Variants in SACS observed in about 807,000 individuals in gnomAD.
SACS encodes the protein sacsin.
In SACS, 197 loss-of-function variants were observed where a neutral mutation model predicts 348.0. The ratio of observed to expected loss-of-function variants is 0.57; its 90% CI spans 0.50 to 0.64. SACS has a LOEUF of 0.64. Among genes scored for constraint, SACS ranks in the 30% least tolerant of loss-of-function variants. The probability of loss-of-function intolerance (pLI) is 0.00; values close to 1 mark genes in which losing one functional copy is unlikely to be tolerated. For missense variants in SACS, 4,999 were observed against 5,360.8 expected (o/e 0.93, Z 2.11); for synonymous variants, 1,985 against 1,910.6 (o/e 1.04, Z -1.02).
Position 23,335,442 on chromosome 13 carries a change from CAG to C in SACS, c.8432_8433del (p.Ser2811Ter). The C allele has an allele frequency of 6.2e-7, 1 of 1,613,860 alleles. No homozygotes were observed. ...QITYTMDTED[S>X]EGNLTTWLIC... ...ATTAGCCACGTAGTAAGATTTCCTT[CAG>C]AGTCCTCAGTATCCATAGTATAGGT... On this transcript the variant is annotated frameshift_variant, in exon 10 of 10. Coordinates refer to ENST00000382292, the MANE Select transcript of SACS (RefSeq NM_014363.6). LOFTEE classifies it high-confidence loss of function. This position sits in a 1 kb window ranked among gnomAD's most constrained non-coding sequence, Gnocchi z 4.7.
chr13:23,398,584 CA>C (rs1173923399), intron 2 of SACS, among the ~76,000 whole-genome samples: 2 of 148,186 alleles, frequency 1.3e-5, no homozygotes, highest in African/African-American at 5.0e-5. Context: ...AAAGGTGGAA[CA>C]ACTCAAAGCA....
intron 2 of SACS, among the ~76,000 whole-genome samples, chr13:23,410,323 T>C (rs756652005): frequency 1.3e-5 from 2 of 152,188 alleles, no homozygotes; most frequent in Non-Finnish European, 2.9e-5. Context: ...CTCTTGTCCA[T>C]TCACACACTT....
chr13:23,346,486 A>G (rs1869616434), intron 9 of SACS, among the ~76,000 whole-genome samples: 1 of 152,148 alleles, frequency 6.6e-6, no homozygotes, highest in Non-Finnish European at 1.5e-5. Context: ...GCGTCGTATA[A>G]TAGAGGTGCA....
chr13:23,421,339 G>A (rs1566112612), intron 1 of SACS, among the ~76,000 whole-genome samples: 1 of 151,996 alleles, frequency 6.6e-6, no homozygotes, highest in Non-Finnish European at 1.5e-5. Flanking sequence ...TTCACCAGGG[G>A]TTTAGGCATT....
chr13:23,384,476 AG>A (rs1872190707), intron 2 of SACS, among the ~76,000 whole-genome samples: 1 of 152,248 alleles, frequency 6.6e-6, no homozygotes, highest in Admixed American at 6.5e-5. Context: ...GGGGAAGAAA[AG>A]GAAGTCCTTC....
intron 2 of SACS, among the ~76,000 whole-genome samples, chr13:23,397,682 T>C (rs773459587): frequency 9.2e-5 from 14 of 152,242 alleles, no homozygotes; most frequent in Admixed American, 2.6e-4. Flanking sequence ...TTTTTACAAT[T>C]ATGTTACCAC....
intron 1 of SACS, among the ~76,000 whole-genome samples, chr13:23,429,426 GAT>G: frequency 7.0e-6 from 1 of 142,876 alleles, no homozygotes; most frequent in Non-Finnish European, 1.5e-5. Flanking sequence ...GCAGTGGTGC[GAT>G]ATCGGCTCAC....
At chr13:23,379,922 C>T (rs1284449990) in intron 2 of SACS, among the ~76,000 whole-genome samples, 1 of 152,092 alleles carries the variant, frequency 6.6e-6, no homozygotes, top group African/African-American at 2.4e-5. Context: ...CCTGCTTGGT[C>T]TTATACCTGG....
At position 23,334,140 on chromosome 13, in the gene SACS, T is replaced by C. The variant is rs748023144; in HGVS notation, c.9736A>G (p.Asn3246Asp). The C allele has an allele frequency of 2.5e-6, 4 of 1,613,910 alleles. No individual in the cohort carries two copies. The East Asian group carries it at 8.9e-5, about 36-fold the overall frequency. The part of the protein sequence containing the change: ...DNFASESWLK[N>D]AWHFISESVS... Reference sequence around the variant, plus strand: ...GATTCACTAATAAAATGCCATGCATTCTTAAGCCAAGACTCACTTGCAAAA... The same window carrying C: ...GATTCACTAATAAAATGCCATGCATCCTTAAGCCAAGACTCACTTGCAAAA... Residue 3246 changes from asparagine to aspartate, a missense_variant, in exon 10 of 10, where the codon AAT becomes GAT. This residue lies in a region of SACS where 734 missense variants were observed against 694.0 expected (regional missense o/e 1.06). Transcript: ENST00000382292.
intron 2 of SACS, among the ~76,000 whole-genome samples, chr13:23,380,284 C>T (rs199577815): frequency 6.6e-6 from 1 of 152,112 alleles, no homozygotes; most frequent in East Asian, 1.9e-4. Context: ...GCCTTGGTAG[C>T]GCCCTCTGAG....
At chr13:23,431,253 G>A (rs965035971) in intron 1 of SACS, among the ~76,000 whole-genome samples, 1 of 152,230 alleles carries the variant, frequency 6.6e-6, no homozygotes, top group African/African-American at 2.4e-5. Context: ...TCTTGCCTTA[G>A]AGATGGCGTT....
chr13:23,345,237 G>A (rs890510272), intron 9 of SACS, among the ~76,000 whole-genome samples: 4 of 152,166 alleles, frequency 2.6e-5, no homozygotes, highest in Non-Finnish European at 5.9e-5. Context: ...GTACAGTCAA[G>A]GTTCAATTAA....
intron 2 of SACS, among the ~76,000 whole-genome samples, chr13:23,407,336 C>A (rs926978563): frequency 3.3e-5 from 5 of 152,158 alleles, no homozygotes; most frequent in African/African-American, 1.2e-4. Flanking sequence ...GTAGCTGGGA[C>A]TACAGGCGCC....
rs761501767 is a variant in SACS, at chr13:23,333,950, A to G, written c.9926T>C (p.Ile3309Thr). The G allele has an allele frequency of 5.0e-6, 8 of 1,613,904 alleles. No individual in the cohort carries two copies. The highest frequency in any genetic ancestry group is 6.8e-6 in the Non-Finnish European group (8 of 1,179,850). Residue 3309 changes from isoleucine (I) to threonine (T), a missense_variant, in exon 10 of 10, where the codon ATT becomes ACT. Transcript: ENST00000382292. ...ACTCTGGGCATTTGGAAAAACTGCA[A>G]TGTGCATAAGGCTGAGAGGAAGCAG... is the stretch of plus-strand genomic sequence containing the variant. ...DVLLPLSLMHIAVFPNAQSDK... is the reference protein window; with the variant it reads ...DVLLPLSLMHTAVFPNAQSDK...
intron 4 of SACS, 33 bp from the exon 5 acceptor site, chr13:23,368,520 A>G (rs1470801128): frequency 6.7e-7 from 1 of 1,500,736 alleles, no homozygotes; most frequent in South Asian, 1.2e-5. Flanking sequence ...AGTGAGTTAG[A>G]AAAAAAATCC....
At position 23,336,987 on chromosome 13, in the gene SACS, A is replaced by G. The variant is rs762976734; in HGVS notation, c.6889T>C (p.Leu2297=). ...KPTVDLVINQ[L]KEVAKSVDDG... is the part of the protein sequence containing the mutation. ...TCAACTGATTTTGCTACTTCTTTCA[A>G]TTGGTTTATAACCAGATCAACTGTT... is the stretch of plus-strand genomic sequence containing the variant. Residue 2297 remains leucine, a synonymous_variant, in exon 10 of 10, where the codon TTG becomes CTG. Coordinates refer to ENST00000382292, the MANE Select transcript of SACS (RefSeq NM_014363.6). 1.9e-5 allele frequency: 30 copies of G among 1,613,884 alleles called. No homozygotes were observed. In the African/African-American group the frequency reaches 3.9e-4, roughly 21 times the overall value.
intron 9 of SACS, among the ~76,000 whole-genome samples, chr13:23,348,376 G>A (rs937097890): frequency 6.6e-6 from 1 of 152,156 alleles, no homozygotes; most frequent in Non-Finnish European, 1.5e-5. Context: ...CACTAAGAAA[G>A]AGATTTGCCT....
chr13:23,375,677 C>T (rs1316129445), intron 2 of SACS: 1 of 590,466 alleles, frequency 1.7e-6, no homozygotes, highest in Non-Finnish European at 2.1e-6. Flanking sequence ...CCCCAGGGAA[C>T]GCCCATCCAG....
At chr13:23,425,396 G>T (rs766343747) in intron 1 of SACS, among the ~76,000 whole-genome samples, 1 of 152,170 alleles carries the variant, frequency 6.6e-6, no homozygotes, top group Non-Finnish European at 1.5e-5. Context: ...GCCAAACTGG[G>T]ACCTGATGTT....
Sources: allele counts gnomAD v4.1 joint callset (sites outside exome capture counted in the v4.1 genomes callset), GRCh38; gene constraint gnomAD v4.1.1; regional missense constraint gnomAD v4.1.1; non-coding constraint Gnocchi (gnomAD v3.1); transcripts MANE v1.5; gene names NCBI Gene and HGNC (gene_info 2026-07-23, HGNC 2026-07-21).